Variants in INSYN1 observed in about 807,000 individuals in gnomAD.
INSYN1 encodes inhibitory synaptic factor 1.
INSYN1 carries 7 observed loss-of-function variants against 17.1 expected under a neutral mutation model. The observed-to-expected ratio is 0.41, with a 90% CI of 0.23 to 0.77. The LOEUF is 0.77. Among genes scored for constraint, INSYN1 ranks in the 30% least tolerant of loss-of-function variants. The pLI, the probability that INSYN1 is intolerant of heterozygous loss-of-function variation, is 0.32. For synonymous variants in INSYN1, 174 were observed against 166.3 expected (o/e 1.05, Z -0.36); for missense variants, 339 against 400.6 (o/e 0.85, Z 1.31).
At chr15:73,745,371 C>T (rs988402616) in intron 2 of INSYN1, among the ~76,000 whole-genome samples, 3 of 152,162 alleles carry the variant, frequency 2.0e-5, no homozygotes, top group Non-Finnish European at 2.9e-5. Context: ...GACACGCCCT[C>T]CCTCCTTTCC....
chr15:73,749,392 C>T (rs1015738223), intron 2 of INSYN1, among the ~76,000 whole-genome samples: 44 of 152,060 alleles, frequency 2.9e-4, no homozygotes, highest in African/African-American at 8.7e-4. Flanking sequence ...GGTGGCTATG[C>T]GGTGGGGAGA....
intron 2 of INSYN1, among the ~76,000 whole-genome samples, chr15:73,746,474 C>T (rs192057287): frequency 4.8e-4 from 73 of 152,326 alleles, no homozygotes; most frequent in Middle Eastern, 3.4e-3. Flanking sequence ...CCATTTATCT[C>T]ACACTTGCAT....
intron 2 of INSYN1, among the ~76,000 whole-genome samples, chr15:73,743,849 A>AG (rs1901754766): frequency 6.9e-6 from 1 of 145,498 alleles, no homozygotes; most frequent in African/African-American, 2.5e-5. Context: ...AAAAAAAAAA[A>AG]AAAAAAAAAG....
chr15:73,751,934 T>C (rs1390872916), intron 1 of INSYN1, among the ~76,000 whole-genome samples, 176 bp downstream of exon 1: 1 of 151,574 alleles, frequency 6.6e-6, no homozygotes, highest in African/African-American at 2.4e-5. Flanking sequence ...ACCCTGGCCG[T>C]AGCTCCCGCC....
At position 73,752,969 on chromosome 15, in the gene INSYN1, A is replaced by C; in HGVS notation, c.-1427T>G. 1.0e-5 allele frequency among the ~76,000 whole-genome samples: 1 copy of C among 95,464 alleles called. No individual in the cohort carries two copies. The highest frequency in any genetic ancestry group is 3.2e-4 in the East Asian group (1 of 3,078). 62.6% of individuals were successfully genotyped at this position (95,464 alleles called of 152,430 possible). Reference sequence around the variant, plus strand: ...GGAGGAGGCGCGGCGAGGGGAAGGGAGGGGAGGGGGCGAGCGGCGGGCCGG... The same window carrying C: ...GGAGGAGGCGCGGCGAGGGGAAGGGCGGGGAGGGGGCGAGCGGCGGGCCGG... On this transcript the variant is annotated 5_prime_UTR_variant, in exon 1 of 3. Transcript: ENST00000569673. This position sits in a 1 kb window ranked among gnomAD's most constrained non-coding sequence, Gnocchi z 5.2.
In INSYN1 at chr15:73,739,276, T is replaced by C. The variant is rs1901610854; in HGVS notation, c.*641A>G. 6.6e-6 allele frequency: 1 copy of C among 152,358 alleles called. No homozygotes were observed. The highest frequency in any genetic ancestry group is 2.1e-4 in the South Asian group (1 of 4,836). The allele number at this position is 152,358 out of a possible 1,614,324, so 9.4% of individuals were successfully genotyped here. The stretch of plus-strand genomic sequence containing the variant: ...CCAGCCCAGGCGATCCTTCAGGCTC[T>C]GTGGATGCCCAGCATCCCAGCACGG... On this transcript the variant is annotated 3_prime_UTR_variant, in exon 3 of 3. Transcript: ENST00000569673.
rs1377956616 is a variant in INSYN1 at position 73,753,211 on chromosome 15, G to GCCGCGCCGC, written c.-1678_-1670dup. On this transcript the variant is annotated 5_prime_UTR_variant, in exon 1 of 3. Transcript: ENST00000569673. The surrounding 1 kb of genome is among the most constrained non-coding windows in gnomAD (Gnocchi z 4.2). ...GGGCCCGCTCCCCAAGCGCCGCGGC[G>GCCGCGCCGC]CCGCGCCGCCCGCGCCCCGGCCGCC... is the stretch of plus-strand genomic sequence containing the variant. 6.9e-6 allele frequency among the ~76,000 whole-genome samples: 1 copy of GCCGCGCCGC among 144,608 alleles called. No homozygotes were observed. The highest frequency in any genetic ancestry group is 1.5e-5 in the Non-Finnish European group (1 of 65,228). 94.9% of individuals were successfully genotyped at this position (144,608 alleles called of 152,430 possible). A position where few individuals can be genotyped will look rare whatever the true frequency, so the allele number is the denominator to read the frequency against.
intron 2 of INSYN1, among the ~76,000 whole-genome samples, chr15:73,746,643 C>T (rs1239264063): frequency 6.6e-6 from 1 of 152,200 alleles, no homozygotes; most frequent in Admixed American, 6.5e-5. Context: ...GTTGTGCCAA[C>T]CCCTCCATCT....
chr15:73,742,344 GACC>G, intron 2 of INSYN1, among the ~76,000 whole-genome samples: 1 of 152,292 alleles, frequency 6.6e-6, no homozygotes, highest in East Asian at 1.9e-4. Flanking sequence ...GACAATCCCA[GACC>G]ACCAAGTGAG....
In INSYN1 at chr15:73,740,590, G is replaced by T. The variant is rs780672403; in HGVS notation, c.209C>A (p.Pro70Gln). The T allele has an allele frequency of 2.5e-6, 4 of 1,613,762 alleles. No individual in the cohort carries two copies. The highest frequency in any genetic ancestry group is 3.4e-6 in the Non-Finnish European group (4 of 1,179,896). ...LTSDFDFELE[P>Q]DDWTTATVSS... is the part of the protein sequence containing the mutation. The stretch of plus-strand genomic sequence containing the variant: ...CACAGTGGCCGTGGTCCAGTCGTCC[G>T]GCTCCAGTTCAAAGTCGAAGTCCGA... Residue 70 changes from proline to glutamine, a missense_variant, in exon 3 of 3, where the codon CCG becomes CAG. Transcript: ENST00000569673.
Position 73,740,590 on chromosome 15 carries a change from G to A in INSYN1, c.209C>T (p.Pro70Leu), listed in dbSNP as rs780672403. Residue 70 changes from proline (P) to leucine (L), a missense_variant, in exon 3 of 3, where the codon CCG becomes CTG. Transcript: ENST00000569673. ...LTSDFDFELEPDDWTTATVSS... is the reference protein window; with the variant it reads ...LTSDFDFELELDDWTTATVSS... ...CACAGTGGCCGTGGTCCAGTCGTCC[G>A]GCTCCAGTTCAAAGTCGAAGTCCGA... The A allele has an allele frequency of 5.0e-6, 8 of 1,613,762 alleles. No homozygotes were observed. The highest frequency in any genetic ancestry group is 4.5e-5 in the East Asian group (2 of 44,884).
rs1249279363 is a variant in INSYN1 at position 73,753,231 on chromosome 15, G to A, written c.-1689C>T. 6.9e-6 allele frequency among the ~76,000 whole-genome samples: 1 copy of A among 145,000 alleles called. No individual in the cohort carries two copies. The highest frequency in any genetic ancestry group is 1.5e-5 in the Non-Finnish European group (1 of 65,442). ...GCGGCGCCGCGCCGCCCGCGCCCCGGCCGCCCCCGGCCCGCCCCGCCGCCC... is the reference window on the plus strand; with the variant it reads ...GCGGCGCCGCGCCGCCCGCGCCCCGACCGCCCCCGGCCCGCCCCGCCGCCC... On this transcript the variant is annotated 5_prime_UTR_variant, in exon 1 of 3. Transcript: ENST00000569673. The surrounding 1 kb of genome is among the most constrained non-coding windows in gnomAD (Gnocchi z 4.2).
chr15:73,748,491 C>A (rs989723810), intron 2 of INSYN1, among the ~76,000 whole-genome samples: 8 of 152,138 alleles, frequency 5.3e-5, no homozygotes, highest in African/African-American at 1.9e-4. Context: ...CTGCCCAGGT[C>A]ATGGGGTGAG....
Position 73,751,210 on chromosome 15 carries a change from C to G in INSYN1, c.-80G>C. Reference sequence around the variant, plus strand: ...GCGTCTGCCTCCACGGAGCCCCCCTCGGCTGGGCAGAGCTCCACATTTTAA... The same window carrying G: ...GCGTCTGCCTCCACGGAGCCCCCCTGGGCTGGGCAGAGCTCCACATTTTAA... On this transcript the variant is annotated 5_prime_UTR_variant, in exon 2 of 3. Coordinates refer to ENST00000569673, the MANE Select transcript of INSYN1 (RefSeq NM_001039614.3). 6.5e-7 allele frequency: 1 copy of G among 1,536,958 alleles called. No individual in the cohort carries two copies. Among genetic ancestry groups the G allele is most frequent in the Non-Finnish European group, 8.8e-7 (1 of 1,134,840 alleles).
At chr15:73,748,113 A>G (rs767200327) in intron 2 of INSYN1, among the ~76,000 whole-genome samples, 1 of 152,172 alleles carries the variant, frequency 6.6e-6, no homozygotes, top group Non-Finnish European at 1.5e-5. Flanking sequence ...ATAAATCCTT[A>G]TAAGATCACC....
intron 2 of INSYN1, among the ~76,000 whole-genome samples, chr15:73,750,437 A>G (rs944292152): frequency 5.9e-5 from 9 of 152,018 alleles, no homozygotes; most frequent in Admixed American, 1.3e-4. Flanking sequence ...ACCCATTCTT[A>G]CCCCCGGACA....
In INSYN1 at chr15:73,752,178, G is replaced by GC. The variant is rs1902005641; in HGVS notation, c.-637dup. On this transcript the variant is annotated 5_prime_UTR_variant, in exon 1 of 3. Coordinates refer to ENST00000569673, the MANE Select transcript of INSYN1 (RefSeq NM_001039614.3). This position sits in a 1 kb window ranked among gnomAD's most constrained non-coding sequence, Gnocchi z 5.2. ...CCAAGCCCCAAGACGGAGTTGGGGG[G>GC]CCCCCAAGGCTCCCTAGGGCGGGCT... The GC allele has an allele frequency of 6.6e-6, 1 of 152,334 alleles. No individual in the cohort carries two copies. The highest frequency in any genetic ancestry group is 1.5e-5 in the Non-Finnish European group (1 of 68,264). The allele number at this position is 152,334 out of a possible 1,614,324, so 9.4% of individuals were successfully genotyped here.
Position 73,751,008 on chromosome 15 carries a change from G to C in INSYN1, c.123C>G (p.Arg41=). Residue 41 remains arginine (R), a synonymous_variant, in exon 2 of 3, where the codon CGC becomes CGG. Coordinates refer to ENST00000569673, the MANE Select transcript of INSYN1 (RefSeq NM_001039614.3). ...MVIGQLEGIL[R]ELKEVAKELR... ...GCTCCTTGGCCACCTCCTTGAGCTC[G>C]CGAAGGATGCCCTCAAGCTGCCCGA... The C allele has an allele frequency of 1.2e-6, 2 of 1,614,012 alleles. No homozygotes were observed. Among genetic ancestry groups the C allele is most frequent in the South Asian group, 2.2e-5 (2 of 91,076 alleles).
intron 2 of INSYN1, among the ~76,000 whole-genome samples, chr15:73,747,857 G>A (rs1317671390): frequency 1.3e-5 from 2 of 152,148 alleles, no homozygotes; most frequent in East Asian, 1.9e-4. Flanking sequence ...ACGATTGACC[G>A]TCATATCCCT....
Sources: gnomAD v4.1 joint callset for allele counts (sites outside exome capture counted in the v4.1 genomes callset) on GRCh38, gnomAD v4.1.1 for gene constraint, Gnocchi (gnomAD v3.1) non-coding constraint, MANE v1.5 for transcripts, NCBI Gene and HGNC (gene_info 2026-07-23, HGNC 2026-07-21) for gene names.